Variants in COL5A3 observed in about 807,000 individuals in gnomAD.
COL5A3 encodes collagen type V alpha 3 chain.
COL5A3 carries 172 observed loss-of-function variants against 250.0 expected under a neutral mutation model. That is an observed-to-expected ratio of 0.69 (90% CI 0.61 to 0.78). COL5A3 has a LOEUF of 0.78. Ranked by LOEUF, COL5A3 falls within the 30% of genes least tolerant of loss-of-function variation. The pLI is 0.00. For synonymous variants in COL5A3, 937 were observed against 900.4 expected, an observed-to-expected ratio of 1.04 and a Z score of -0.73; for missense variants, 2,340 against 2,334.4, an observed-to-expected ratio of 1.00 and a Z score of -0.05.
rs146657484 is a variant in COL5A3 at position 10,004,159 on chromosome 19, G to A, written c.595-14C>T. ...CTGAATGTCTCCCTGGGGGTTGGGG[G>A]TGTAGGAGTCAAGGAGGGCAGCCAT... On this transcript the variant is annotated splice_polypyrimidine_tract_variant and intron_variant, in intron 4 of 66. Coordinates refer to ENST00000264828, the MANE Select transcript of COL5A3 (RefSeq NM_015719.4). The A allele has an allele frequency of 1.2e-6, 2 of 1,601,512 alleles. No individual in the cohort carries two copies. Among genetic ancestry groups the A allele is most frequent in the Non-Finnish European group, 8.6e-7 (1 of 1,168,724 alleles).
At chr19:10,006,608 C>G (rs1281539067) in intron 1 of COL5A3, among the ~76,000 whole-genome samples, 1 of 152,160 alleles carries the variant, frequency 6.6e-6, no homozygotes, top group Non-Finnish European at 1.5e-5. Context: ...GCCTGGAGCC[C>G]CCTTGCCAGG....
chr19:9,968,620 A>G lies in COL5A3; in HGVS notation c.4206+55T>C. ...CAATCTCCCAGCCCCCCAGCCAGGG[A>G]GGGAGGGAAAGAGGGGAGGAGATGG... On this transcript the variant is annotated intron_variant, in intron 58 of 66. Coordinates refer to ENST00000264828, the MANE Select transcript of COL5A3 (RefSeq NM_015719.4). This position sits in a 1 kb window ranked among gnomAD's most constrained non-coding sequence, Gnocchi z 4.1. 1 of 1,587,224 alleles carries G rather than the reference A, an allele frequency of 6.3e-7. No homozygotes were observed.
chr19:9,995,148 T>A (rs2087250949), intron 16 of COL5A3, among the ~76,000 whole-genome samples: 1 of 152,144 alleles, frequency 6.6e-6, no homozygotes, highest in South Asian at 2.1e-4. Context: ...CCTCAAATGA[T>A]CCACCTGCCT....
chr19:9,968,429 CCT>C lies in COL5A3; in HGVS notation c.4268_4269del (p.Gln1423ArgfsTer133). The C allele has an allele frequency of 6.3e-7, 1 of 1,591,352 alleles. No individual in the cohort carries two copies. The highest frequency in any genetic ancestry group is 1.1e-5 in the South Asian group (1 of 87,226). On this transcript the variant is annotated frameshift_variant, in exon 59 of 67. Transcript: ENST00000264828. LOFTEE classifies it high-confidence loss of function. This position sits in a 1 kb window ranked among gnomAD's most constrained non-coding sequence, Gnocchi z 4.1. ...PPGEAGEKGDQGLPGVQGPPG... is the reference protein window; with the variant it reads ...PPGEAGEKGDXGLPGVQGPPG... ...GGGGGTCCCTGCACGCCTGGCAACCCCTGATCTCCTTTCTCACCAGCTTCTCC... is the reference window on the plus strand; with the variant it reads ...GGGGGTCCCTGCACGCCTGGCAACCCGATCTCCTTTCTCACCAGCTTCTCC...
intron 62 of COL5A3, 40 bp from the exon 63 acceptor site, chr19:9,966,786 G>T: frequency 6.9e-7 from 1 of 1,449,380 alleles, no homozygotes; most frequent in South Asian, 1.2e-5. Context: ...GAGGGGAGAT[G>T]GGGGAGGGAG....
chr19:9,992,979 C>A, intron 20 of COL5A3, 44 bp downstream of exon 20: 2 of 1,610,090 alleles, frequency 1.2e-6, no homozygotes, highest in Non-Finnish European at 8.5e-7. Flanking sequence ...TCCTGACTCC[C>A]TCCCCTGCAC....
In COL5A3 at chr19:9,979,233, T is replaced by C. The variant is rs1433603438; in HGVS notation, c.2773A>G (p.Thr925Ala). 1 of 1,608,100 alleles carries C rather than the reference T, an allele frequency of 6.2e-7. No homozygotes were observed. Among genetic ancestry groups the C allele is most frequent in the Non-Finnish European group, 8.5e-7 (1 of 1,177,526 alleles). The change falls in exon 39 of 67, where the codon ACA (threonine) becomes GCA (alanine). Residue 925 changes from threonine to alanine, a missense_variant. Thr to Ala is a moderately conservative substitution (Grantham distance 58). Transcript: ENST00000264828. ...TCACCTAGAGGTCCCACTTCTCCTG[T>C]CTTTCCCTGGTGAGGAAGAAGGCTC... is the stretch of plus-strand genomic sequence containing the variant. ...PAGVLGPQGKTGEVGPLGERG... is the reference protein window; with the variant it reads ...PAGVLGPQGKAGEVGPLGERG...
At chr19:9,973,284 G>T (rs1190132599) in intron 50 of COL5A3, among the ~76,000 whole-genome samples, 3 of 152,142 alleles carry the variant, frequency 2.0e-5, no homozygotes, top group African/African-American at 4.8e-5. Flanking sequence ...TAGAAGAGGG[G>T]CCCCATCTGG....
rs760482102 is a variant in COL5A3, at chr19:9,976,630, G to A, written c.3289-19C>T. On this transcript the variant is annotated intron_variant, in intron 44 of 66. Transcript: ENST00000264828. The stretch of plus-strand genomic sequence containing the variant: ...GTGGGCCCTGGGAGAACAGGAAACA[G>A]AATCAAAAATTCCCTCAGGTTTAAG... 1 of 1,569,676 alleles carries A rather than the reference G, an allele frequency of 6.4e-7. No individual in the cohort carries two copies. The highest frequency in any genetic ancestry group is 1.4e-5 in the African/African-American group (1 of 72,788).
At chr19:9,986,847 A>G (rs2087108260) in intron 27 of COL5A3, 89 bp from the exon 28 acceptor site, 1 of 1,443,398 alleles carries the variant, frequency 6.9e-7, no homozygotes, top group Admixed American at 1.8e-5. Flanking sequence ...CAGCCAGGAT[A>G]GTCCCAAGAG....
chr19:10,003,918 T>C, intron 5 of COL5A3, 123 bp downstream of exon 5: 1 of 1,026,468 alleles, frequency 9.7e-7, no homozygotes, highest in South Asian at 1.4e-5. Context: ...TGGGATGTGT[T>C]GGAGGTCACG....
Position 9,974,180 on chromosome 19 carries a change from G to A in COL5A3, c.3495C>T (p.Val1165=), listed in dbSNP as rs759927953. The A allele has an allele frequency of 1.0e-4, 163 of 1,613,560 alleles. No individual in the cohort carries two copies. The highest frequency in any genetic ancestry group is 1.3e-4 in the African/African-American group (10 of 74,816). ...PPGEKGEVGD[V]GSMGPHGAPG... is the part of the protein sequence containing the mutation. ...CTCTGGGAGTGCATACCATGGACCC[G>A]ACGTCTCCGACCTCCCCTTTCTCTC... Residue 1165 remains valine (V), a synonymous_variant, in exon 47 of 67, where the codon GTC becomes GTT. Coordinates refer to ENST00000264828, the MANE Select transcript of COL5A3 (RefSeq NM_015719.4).
At chr19:9,977,951 T>TAC (rs1319889395) in intron 41 of COL5A3, among the ~76,000 whole-genome samples, 6 of 20,958 alleles carry the variant, frequency 2.9e-4, no homozygotes, top group African/African-American at 2.7e-3. Flanking sequence ...CCTATACATA[T>TAC]ATATATATAT....
intron 4 of COL5A3, among the ~76,000 whole-genome samples, chr19:10,005,090 C>A (rs1274142387): frequency 9.2e-5 from 14 of 152,176 alleles, no homozygotes; most frequent in Admixed American, 9.2e-4. Context: ...GGCGCGGTGG[C>A]TCATACCTGT....
intron 5 of COL5A3, 146 bp from the exon 6 acceptor site, chr19:10,003,860 G>T: frequency 8.3e-7 from 1 of 1,208,294 alleles, no homozygotes; most frequent in Non-Finnish European, 1.2e-6. Flanking sequence ...GTAACCTGGG[G>T]TCAAGGGTGG....
rs4044577 is a variant in COL5A3, at chr19:10,009,161, G to GGTGTGTGTGTGTGTGT, written c.88+1121_88+1136dup. Reference sequence around the variant, plus strand: ...GACTCCAAAGTAAGAAGTGTGCTGTGGTGTGTGTGTGTGTGTGTGTGTGTG... The same window carrying GGTGTGTGTGTGTGTGT: ...GACTCCAAAGTAAGAAGTGTGCTGTGGTGTGTGTGTGTGTGTGTGTGTGTGTGTGTGTGTGTGTGTG... On this transcript the variant is annotated intron_variant, in intron 1 of 66. Transcript: ENST00000264828. The surrounding 1 kb of genome is among the most constrained non-coding windows in gnomAD (Gnocchi z 4.4). Among the ~76,000 whole-genome samples the GGTGTGTGTGTGTGTGT allele has an allele frequency of 7.1e-6, 1 of 140,348 alleles. No individual in the cohort carries two copies. Among genetic ancestry groups the GGTGTGTGTGTGTGTGT allele is most frequent in the African/African-American group, 2.6e-5 (1 of 37,786 alleles). 92.1% of individuals were successfully genotyped at this position (140,348 alleles called of 152,430 possible).
Position 9,995,555 on chromosome 19 carries a change from G to C in COL5A3, c.1587+9C>G, listed in dbSNP as rs1209853331. 1 of 1,607,268 alleles carries C rather than the reference G, an allele frequency of 6.2e-7. No homozygotes were observed. The highest frequency in any genetic ancestry group is 1.7e-5 in the Admixed American group (1 of 59,194). On this transcript the variant is annotated intron_variant, in intron 16 of 66. Transcript: ENST00000264828. ...TAAGGGGTGGTCTGGGGACCTAGCTGTCACTCACCATCTTGCCCACTCGGC... is the reference window on the plus strand; with the variant it reads ...TAAGGGGTGGTCTGGGGACCTAGCTCTCACTCACCATCTTGCCCACTCGGC...
intron 31 of COL5A3, among the ~76,000 whole-genome samples, chr19:9,982,347 AT>A (rs757076129): frequency 5.9e-5 from 9 of 152,048 alleles, no homozygotes; most frequent in South Asian, 4.2e-4. Flanking sequence ...TTTGGCTGAA[AT>A]GCTTGTCTCC....
At chr19:9,994,559 CATATATATATATATATATATATATATAT>C (rs57642882) in intron 16 of COL5A3, among the ~76,000 whole-genome samples, 23,088 of 70,990 alleles carry the variant, frequency 0.33, 3,080 homozygotes, top group African/African-American at 0.4. Flanking sequence ...ATATGTTTTA[CATATATATATATATATATATATATATAT>C]ATATATATAT....
Sources: gnomAD v4.1 joint callset for allele counts (sites outside exome capture counted in the v4.1 genomes callset) on GRCh38, gnomAD v4.1.1 for gene constraint, Gnocchi (gnomAD v3.1) non-coding constraint, MANE v1.5 for transcripts, NCBI Gene and HGNC (gene_info 2026-07-23, HGNC 2026-07-21) for gene names.